RBM47: variants seen among roughly 807,000 people sequenced by gnomAD.
RBM47 encodes the protein RNA-binding protein 47.
A neutral mutation model predicts 47.1 loss-of-function variants in RBM47; 21 were observed. The observed-to-expected ratio is 0.45, with a 90% CI of 0.32 to 0.64. The LOEUF is 0.64. Ranked by LOEUF, RBM47 falls within the 30% of genes least tolerant of loss-of-function variation. The pLI, the probability that RBM47 is intolerant of heterozygous loss-of-function variation, is 0.05. For synonymous variants in RBM47, 375 were observed against 361.7 expected, an observed-to-expected ratio of 1.04 and a Z score of -0.42; for missense variants, 708 against 870.9, an observed-to-expected ratio of 0.81 and a Z score of 2.35.
At chr4:40,522,362 C>T (rs963296657) in intron 2 of RBM47, among the ~76,000 whole-genome samples, 8 of 151,894 alleles carry the variant, frequency 5.3e-5, no homozygotes, top group African/African-American at 1.5e-4. Flanking sequence ...AAAATTAGCC[C>T]GGCGTGGTGG....
At chr4:40,524,782 G>A (rs943574859) in intron 2 of RBM47, among the ~76,000 whole-genome samples, 17 of 152,234 alleles carry the variant, frequency 1.1e-4, no homozygotes, top group South Asian at 2.1e-4. Context: ...CACCACGCTC[G>A]GCTAATGCTC....
chr4:40,478,403 T>C lies in RBM47; in HGVS notation c.-154-11704A>G, dbSNP rs11944571. 6.6e-3 allele frequency among the ~76,000 whole-genome samples: 1,008 copies of C among 152,258 alleles called. 19 individuals are homozygous for C. Among genetic ancestry groups the C allele is most frequent in the African/African-American group, 0.023 (955 of 41,550 alleles). ...TTGTCTTTTACAAAGCATCTTTGAT[T>C]TAGAGTAGAGTGACAGCAGGCAGTT... On this transcript the variant is annotated intron_variant, in intron 2 of 6. Transcript: ENST00000295971.
chr4:40,484,176 A>G (rs1577755232), intron 2 of RBM47, among the ~76,000 whole-genome samples: 2 of 152,350 alleles, frequency 1.3e-5, no homozygotes, highest in African/African-American at 4.8e-5. Context: ...ATGTAGAAAA[A>G]TATAACAAAA....
At chr4:40,573,658 A>T in intron 1 of RBM47, among the ~76,000 whole-genome samples, 1 of 151,710 alleles carries the variant, frequency 6.6e-6, no homozygotes, top group Non-Finnish European at 1.5e-5. Context: ...TGAACCCGGG[A>T]GGCAGAGGTT....
chr4:40,596,617 A>G (rs1384035), intron 1 of RBM47, among the ~76,000 whole-genome samples: 50,439 of 152,104 alleles, frequency 0.33, 9,492 homozygotes, highest in African/African-American at 0.5. Context: ...ATTTATGGAC[A>G]ATGAAATTTG....
At chr4:40,513,118 T>C (rs1725159511) in intron 2 of RBM47, among the ~76,000 whole-genome samples, 1 of 152,226 alleles carries the variant, frequency 6.6e-6, no homozygotes, top group Admixed American at 6.5e-5. Flanking sequence ...TGCCTGAATA[T>C]ACAAAGCCAC....
chr4:40,485,189 A>G (rs932658497), intron 2 of RBM47, among the ~76,000 whole-genome samples: 1 of 152,226 alleles, frequency 6.6e-6, no homozygotes, highest in African/African-American at 2.4e-5. Context: ...TGGGTGCTCA[A>G]TAATTGTTAT....
chr4:40,569,410 C>T (rs940071309), intron 1 of RBM47, among the ~76,000 whole-genome samples: 2 of 147,696 alleles, frequency 1.4e-5, no homozygotes, highest in African/African-American at 5.2e-5. Flanking sequence ...ATTCTATTCT[C>T]ATTTTTTTTT....
chr4:40,485,931 C>T (rs1421482822), intron 2 of RBM47, among the ~76,000 whole-genome samples: 2 of 150,222 alleles, frequency 1.3e-5, no homozygotes, highest in East Asian at 3.9e-4. Context: ...ATTAGCTAGG[C>T]ATGGTGGCAT....
Position 40,564,065 on chromosome 4 carries a change from A to G in RBM47, c.-239-19559T>C, listed in dbSNP as rs183108447. On this transcript the variant is annotated intron_variant, in intron 1 of 6. Transcript: ENST00000295971. The stretch of plus-strand genomic sequence containing the variant: ...TCTCTATTCATATAATGTAAAAAAC[A>G]ATTTTTTTAATTATGAAAAATACAA... Among the ~76,000 whole-genome samples, 18 of 152,288 alleles carry G rather than the reference A, an allele frequency of 1.2e-4. No individual in the cohort carries two copies. The East Asian group carries it at 2.9e-3, about 24-fold the overall frequency.
chr4:40,614,029 T>C (rs1197204673), intron 1 of RBM47, among the ~76,000 whole-genome samples: 1 of 151,494 alleles, frequency 6.6e-6, no homozygotes, highest in African/African-American at 2.4e-5. Context: ...ACCAAAAACA[T>C]CTCCAGACAT....
chr4:40,565,155 A>G (rs765797224), intron 1 of RBM47, among the ~76,000 whole-genome samples: 4 of 152,322 alleles, frequency 2.6e-5, no homozygotes, highest in Non-Finnish European at 5.9e-5. Context: ...CTAAGCTTCC[A>G]CAGTGTTTCT....
chr4:40,548,970 T>C (rs567342419), intron 1 of RBM47, among the ~76,000 whole-genome samples: 3 of 151,514 alleles, frequency 2.0e-5, no homozygotes, highest in Non-Finnish European at 2.9e-5. Flanking sequence ...CTGGCCTGGG[T>C]ACATATTATT....
chr4:40,541,694 C>T (rs1229397807), intron 2 of RBM47, among the ~76,000 whole-genome samples: 1 of 151,802 alleles, frequency 6.6e-6, no homozygotes, highest in East Asian at 1.9e-4. Flanking sequence ...GCCGAGATGG[C>T]ACCACTGCAC....
At chr4:40,485,501 C>A (rs969034458) in intron 2 of RBM47, among the ~76,000 whole-genome samples, 6 of 152,160 alleles carry the variant, frequency 3.9e-5, no homozygotes, top group African/African-American at 1.4e-4. Context: ...TTGTCAAGCA[C>A]CTCATTTCTC....
intron 1 of RBM47, among the ~76,000 whole-genome samples, chr4:40,600,531 G>A (rs1302158318): frequency 6.6e-6 from 1 of 151,434 alleles, no homozygotes; most frequent in Non-Finnish European, 1.5e-5. Flanking sequence ...CTACTCGGGA[G>A]GCTGAGGCAG....
chr4:40,544,976 C>T (rs1728877271), intron 1 of RBM47, among the ~76,000 whole-genome samples: 1 of 151,352 alleles, frequency 6.6e-6, no homozygotes, highest in Non-Finnish European at 1.5e-5. Context: ...GAGAGGATCA[C>T]TTGAGCCTAG....
At chr4:40,489,619 T>A (rs1243061511) in intron 2 of RBM47, among the ~76,000 whole-genome samples, 1 of 152,088 alleles carries the variant, frequency 6.6e-6, no homozygotes, top group Non-Finnish European at 1.5e-5. Context: ...CAAAATAGAC[T>A]CAAGAAGAAA....
intron 6 of RBM47, among the ~76,000 whole-genome samples, chr4:40,428,226 ACAAAACAAAC>A (rs1161946315): frequency 1.3e-5 from 2 of 150,884 alleles, no homozygotes; most frequent in African/African-American, 4.9e-5. Context: ...ACAAAACAAA[ACAAAACAAAC>A]CCCCAAACTC....
Sources: gnomAD v4.1 joint callset for allele counts (sites outside exome capture counted in the v4.1 genomes callset) on GRCh38, gnomAD v4.1.1 for gene constraint, MANE v1.5 for transcripts, NCBI Gene and HGNC (gene_info 2026-07-23, HGNC 2026-07-21) for gene names.